Variants in TMPRSS15 observed in about 807,000 individuals in gnomAD.
TMPRSS15 encodes the protein enteropeptidase.
Under a neutral mutation model 125.3 loss-of-function variants are expected in TMPRSS15, and 128 were observed. The observed-to-expected ratio is 1.02, with a 90% CI of 0.89 to 1.18. The LOEUF is 1.18. Among genes scored for constraint, TMPRSS15 ranks in the 50% most tolerant of loss-of-function variants. TMPRSS15 has a pLI of 0.00. For missense variants in TMPRSS15, 1,283 were observed against 1,212.7 expected, an observed-to-expected ratio of 1.06 and a Z score of -0.86; for synonymous variants, 446 against 423.2, an observed-to-expected ratio of 1.05 and a Z score of -0.66.
intron 1 of TMPRSS15, among the ~76,000 whole-genome samples, chr21:18,413,618 C>T (rs1285431184): frequency 6.8e-6 from 1 of 147,212 alleles, no homozygotes; most frequent in Non-Finnish European, 1.5e-5. Flanking sequence ...TTAATAGAGA[C>T]GGAGTTTCAC....
At chr21:18,445,884 C>T (rs2076254768) in intron 1 of TMPRSS15, among the ~76,000 whole-genome samples, 1 of 152,108 alleles carries the variant, frequency 6.6e-6, no homozygotes, top group Admixed American at 6.6e-5. Flanking sequence ...AGCCTTTTCT[C>T]TAAAATATGC....
intron 13 of TMPRSS15, among the ~76,000 whole-genome samples, chr21:18,338,681 A>T (rs2075417528): frequency 6.6e-6 from 1 of 151,922 alleles, no homozygotes; most frequent in African/African-American, 2.4e-5. Flanking sequence ...CACCAAAATA[A>T]GAGTATATCC....
intron 1 of TMPRSS15, among the ~76,000 whole-genome samples, chr21:18,441,660 A>C (rs1313121785): frequency 4.7e-5 from 6 of 129,002 alleles, no homozygotes; most frequent in Non-Finnish European, 1.6e-5. Context: ...ACTTTAGGAC[A>C]CATTATTATT....
chr21:18,316,024 AATAT>A (rs3077991), intron 16 of TMPRSS15, among the ~76,000 whole-genome samples: 191 of 141,320 alleles, frequency 1.4e-3, no homozygotes, highest in Non-Finnish European at 2.2e-3. Context: ...AGTATAATAA[AATAT>A]ATATATATAT....
At chr21:18,315,692 A>G in intron 16 of TMPRSS15, among the ~76,000 whole-genome samples, 1 of 85,330 alleles carries the variant, frequency 1.2e-5, no homozygotes, top group African/African-American at 4.1e-5. Flanking sequence ...TAAAATAATA[A>G]ACATGAGTCC....
rs182002063 is a variant in TMPRSS15, at chr21:18,341,984, G to A, written c.1429-436C>T. Among the ~76,000 whole-genome samples, 304 of 152,252 alleles carry A rather than the reference G, an allele frequency of 2.0e-3. 1 individual carries two copies. Among genetic ancestry groups the A allele is most frequent in the African/African-American group, 6.7e-3 (280 of 41,544 alleles). On this transcript the variant is annotated intron_variant, in intron 12 of 24. Coordinates refer to ENST00000284885, the MANE Select transcript of TMPRSS15 (RefSeq NM_002772.3). Reference sequence around the variant, plus strand: ...CTTCTTAGAGCATACAAAGCCTGAAGAGAAAACACACTGGGGGTGAAGGGG... The same window carrying A: ...CTTCTTAGAGCATACAAAGCCTGAAAAGAAAACACACTGGGGGTGAAGGGG...
intron 3 of TMPRSS15, among the ~76,000 whole-genome samples, chr21:18,396,645 G>A (rs955202441): frequency 3.3e-5 from 5 of 151,838 alleles, no homozygotes; most frequent in African/African-American, 1.2e-4. Flanking sequence ...ATGGTGGCGG[G>A]CACCTGTAGT....
intron 23 of TMPRSS15, among the ~76,000 whole-genome samples, chr21:18,278,647 G>A (rs1342917633): frequency 2.0e-5 from 3 of 152,114 alleles, no homozygotes; most frequent in Admixed American, 2.0e-4. Flanking sequence ...GCGTGAACCC[G>A]GGAGGTGGAG....
chr21:18,478,140 A>T (rs1978913832), intron 1 of TMPRSS15, among the ~76,000 whole-genome samples: 1 of 152,054 alleles, frequency 6.6e-6, no homozygotes, highest in African/African-American at 2.4e-5. Flanking sequence ...TTCCAGAGTA[A>T]AGTCAATATA....
intron 5 of TMPRSS15, among the ~76,000 whole-genome samples, chr21:18,378,022 C>T (rs1407868857): frequency 1.3e-5 from 2 of 152,102 alleles, no homozygotes; most frequent in African/African-American, 2.4e-5. Flanking sequence ...ACTATTAGGA[C>T]ATTTTATACA....
chr21:18,292,022 T>C (rs946128404), intron 21 of TMPRSS15, among the ~76,000 whole-genome samples: 5 of 152,168 alleles, frequency 3.3e-5, no homozygotes, highest in African/African-American at 1.2e-4. Flanking sequence ...ATGTTTATTG[T>C]TGAGGAAGCA....
chr21:18,400,401 G>A lies in TMPRSS15; in HGVS notation c.146-2072C>T, dbSNP rs181490113. ...ATACATAGTCCAATGAAACAGAATA[G>A]AGAACCCACAGTAAAGTAAAGCTAC... On this transcript the variant is annotated intron_variant, in intron 1 of 24. Transcript: ENST00000284885. Among the ~76,000 whole-genome samples, 6 of 152,110 alleles carry A rather than the reference G, an allele frequency of 3.9e-5. No homozygotes were observed. The South Asian group carries it at 6.2e-4, about 16-fold the overall frequency.
chr21:18,357,440 CT>C (rs754818084), intron 8 of TMPRSS15, among the ~76,000 whole-genome samples: 22 of 151,730 alleles, frequency 1.4e-4, no homozygotes, highest in Non-Finnish European at 2.5e-4. Context: ...TGATTTCCCC[CT>C]AATCAGGTAT....
intron 21 of TMPRSS15, among the ~76,000 whole-genome samples, chr21:18,288,716 G>A (rs1421709842): frequency 1.3e-5 from 2 of 151,506 alleles, no homozygotes; most frequent in Non-Finnish European, 2.9e-5. Flanking sequence ...AATTTCTTTT[G>A]TATTTTAGTA....
chr21:18,432,200 CT>C (rs1172029994), intron 1 of TMPRSS15, among the ~76,000 whole-genome samples: 1 of 152,090 alleles, frequency 6.6e-6, no homozygotes, highest in Non-Finnish European at 1.5e-5. Flanking sequence ...TTGGAGGCCT[CT>C]TATTTATCCT....
At chr21:18,407,400 A>G (rs2076154728), upstream of TMPRSS15, among the ~76,000 whole-genome samples, 1 of 151,748 alleles carries the variant, frequency 6.6e-6, no homozygotes, top group Non-Finnish European at 1.5e-5. Flanking sequence ...AATTATTAAA[A>G]TTGAAAGAAA....
At chr21:18,400,410 C>G (rs2076084140) in intron 1 of TMPRSS15, among the ~76,000 whole-genome samples, 1 of 151,870 alleles carries the variant, frequency 6.6e-6, no homozygotes, top group African/African-American at 2.4e-5. Context: ...AGAGAACCCA[C>G]AGTAAAGTAA....
At chr21:18,327,353 G>T (rs1346799275) in intron 15 of TMPRSS15, among the ~76,000 whole-genome samples, 1 of 152,098 alleles carries the variant, frequency 6.6e-6, no homozygotes, top group Admixed American at 6.5e-5. Context: ...ATCTAAAATA[G>T]AAAAACTATT....
At chr21:18,304,296 T>C (rs1022302079) in intron 18 of TMPRSS15, among the ~76,000 whole-genome samples, 12 of 152,156 alleles carry the variant, frequency 7.9e-5, no homozygotes, top group African/African-American at 2.9e-4. Flanking sequence ...TTGTTTTTAT[T>C]ACCAGGTGAA....
Sources: gnomAD v4.1 joint callset for allele counts (sites outside exome capture counted in the v4.1 genomes callset) on GRCh38, gnomAD v4.1.1 for gene constraint, MANE v1.5 for transcripts, NCBI Gene and HGNC (gene_info 2026-07-23, HGNC 2026-07-21) for gene names.